Variants in CPQ observed in about 807,000 individuals in gnomAD.
The protein encoded by CPQ is carboxypeptidase Q, also known as Ser-Met dipeptidase.
In CPQ, 37 loss-of-function variants were observed where a neutral mutation model predicts 45.7. The observed-to-expected ratio is 0.81, with a 90% CI of 0.62 to 1.07. The LOEUF is 1.07. Among genes scored for constraint, CPQ ranks in the 50% least tolerant of loss-of-function variants. The pLI is 0.00. For synonymous variants in CPQ, 186 were observed against 205.8 expected (o/e 0.90, Z 0.82); for missense variants, 537 against 572.9 (o/e 0.94, Z 0.64).
At chr8:96,713,688 C>T (rs111296633) in intron 1 of CPQ, among the ~76,000 whole-genome samples, 3,652 of 152,244 alleles carry the variant, frequency 0.024, 161 homozygotes, top group African/African-American at 0.083. Flanking sequence ...ATGGGAACTA[C>T]AACTCAAGAT....
At chr8:96,946,368 A>G (rs1053718475) in intron 4 of CPQ, among the ~76,000 whole-genome samples, 6 of 152,190 alleles carry the variant, frequency 3.9e-5, no homozygotes, top group Admixed American at 3.3e-4. Context: ...TTCTAGATTT[A>G]ATGTATCACA....
intron 7 of CPQ, among the ~76,000 whole-genome samples, chr8:97,142,120 AT>A (rs1812178282): frequency 6.6e-6 from 1 of 152,180 alleles, no homozygotes; most frequent in African/African-American, 2.4e-5. Context: ...ATGGACATAT[AT>A]GTACTTATTA....
chr8:96,855,361 A>G (rs1335672921), intron 3 of CPQ, among the ~76,000 whole-genome samples: 1 of 152,158 alleles, frequency 6.6e-6, no homozygotes, highest in Non-Finnish European at 1.5e-5. Flanking sequence ...AGGGCTGGGA[A>G]CAGCAGTTCA....
intron 1 of CPQ, among the ~76,000 whole-genome samples, chr8:96,673,220 C>T (rs149516479): frequency 9.3e-4 from 142 of 152,204 alleles, no homozygotes; most frequent in African/African-American, 3.4e-3. Flanking sequence ...GATTTATTGA[C>T]GTGAAAGTAC....
At chr8:96,770,010 G>A (rs537048357) in intron 1 of CPQ, among the ~76,000 whole-genome samples, 22 of 152,194 alleles carry the variant, frequency 1.4e-4, no homozygotes, top group African/African-American at 5.3e-4. Flanking sequence ...AACTTGAAAA[G>A]GATAAAAGAA....
chr8:96,798,096 C>G (rs1435577511), intron 2 of CPQ, among the ~76,000 whole-genome samples: 1 of 151,742 alleles, frequency 6.6e-6, no homozygotes, highest in African/African-American at 2.4e-5. Flanking sequence ...TTTTTATACC[C>G]TTTCCCTTTA....
intron 4 of CPQ, among the ~76,000 whole-genome samples, chr8:96,920,866 A>G (rs1012668952): frequency 6.6e-6 from 1 of 152,162 alleles, no homozygotes; most frequent in African/African-American, 2.4e-5. Flanking sequence ...CTTCAACTTG[A>G]AGCCTCCAAA....
intron 7 of CPQ, among the ~76,000 whole-genome samples, chr8:97,123,786 A>G (rs992951731): frequency 6.6e-6 from 1 of 152,178 alleles, no homozygotes; most frequent in Non-Finnish European, 1.5e-5. Context: ...TTTTAAATAT[A>G]AAAATAGCTA....
At chr8:96,866,341 T>C (rs1027584536) in intron 3 of CPQ, among the ~76,000 whole-genome samples, 2 of 152,016 alleles carry the variant, frequency 1.3e-5, no homozygotes, top group African/African-American at 2.4e-5. Context: ...GCTCAGCAAA[T>C]CTGTTGGCAG....
Position 97,017,521 on chromosome 8 carries a change from A to C in CPQ, c.962-11882A>C, listed in dbSNP as rs144186658. 4.2e-3 allele frequency among the ~76,000 whole-genome samples: 634 copies of C among 152,338 alleles called. 1 individual carries two copies. Among genetic ancestry groups the C allele is most frequent in the African/African-American group, 0.013 (551 of 41,592 alleles). On this transcript the variant is annotated intron_variant, in intron 5 of 7. Coordinates refer to ENST00000220763, the MANE Select transcript of CPQ (RefSeq NM_016134.4). ...GGCAAGTAGCCTGGGGCAAGTTCTC[A>C]GCCCTGCTCACCCACCACCTGGAAA...
chr8:97,136,073 C>T (rs1483136720), intron 7 of CPQ, among the ~76,000 whole-genome samples: 1 of 152,152 alleles, frequency 6.6e-6, no homozygotes, highest in Non-Finnish European at 1.5e-5. Context: ...AGGCTGAAAT[C>T]TGCTGTGAAC....
intron 1 of CPQ, among the ~76,000 whole-genome samples, chr8:96,767,975 T>G (rs2130796324): frequency 6.6e-6 from 1 of 152,146 alleles, no homozygotes; most frequent in Admixed American, 6.5e-5. Flanking sequence ...CTTTCCTCCC[T>G]TCTCACCTCC....
chr8:96,774,037 G>A (rs775456215), intron 1 of CPQ, among the ~76,000 whole-genome samples: 12 of 152,070 alleles, frequency 7.9e-5, no homozygotes, highest in Admixed American at 7.2e-4. Context: ...TTGGGAGGCC[G>A]AGGTGGGCAG....
intron 2 of CPQ, among the ~76,000 whole-genome samples, chr8:96,823,061 A>G (rs548604825): frequency 1.3e-5 from 2 of 152,150 alleles, no homozygotes; most frequent in Admixed American, 1.3e-4. Flanking sequence ...CTACCTCGTC[A>G]TCCAGGATGG....
intron 6 of CPQ, among the ~76,000 whole-genome samples, chr8:97,039,709 C>T (rs1212220983): frequency 2.0e-5 from 3 of 151,962 alleles, no homozygotes; most frequent in Admixed American, 6.6e-5. Flanking sequence ...GTTCAATTCC[C>T]ACCTATGAGT....
intron 7 of CPQ, among the ~76,000 whole-genome samples, chr8:97,099,115 CTTTTTT>C (rs34830752): frequency 1.1e-4 from 7 of 66,340 alleles, no homozygotes; most frequent in African/African-American, 3.1e-4. Context: ...CCTTCTCTCT[CTTTTTT>C]TTTTTTTTTT....
At chr8:97,002,515 G>A (rs1039725883) in intron 5 of CPQ, among the ~76,000 whole-genome samples, 1 of 151,998 alleles carries the variant, frequency 6.6e-6, no homozygotes, top group Non-Finnish European at 1.5e-5. Flanking sequence ...TAATTTCATT[G>A]TTTACCCAAA....
At chr8:96,669,895 A>T (rs1808978638) in intron 1 of CPQ, among the ~76,000 whole-genome samples, 1 of 152,230 alleles carries the variant, frequency 6.6e-6, no homozygotes, top group Non-Finnish European at 1.5e-5. Flanking sequence ...CCTAGGGGAA[A>T]TACAGAGCTA....
At chr8:96,911,154 G>A (rs1812657558) in intron 4 of CPQ, among the ~76,000 whole-genome samples, 2 of 152,106 alleles carry the variant, frequency 1.3e-5, no homozygotes, top group African/African-American at 4.8e-5. Flanking sequence ...GTTCCCCTGG[G>A]TAAGTAAAGA....
Sources: allele counts gnomAD v4.1 joint callset (sites outside exome capture counted in the v4.1 genomes callset), GRCh38; gene constraint gnomAD v4.1.1; transcripts MANE v1.5; gene names NCBI Gene and HGNC (gene_info 2026-07-23, HGNC 2026-07-21).